Variants in ETV6 observed in about 807,000 individuals in gnomAD.
ETV6 encodes the protein ETS variant transcription factor 6.
In ETV6, 16 loss-of-function variants were observed where a neutral mutation model predicts 51.1. That is an observed-to-expected ratio of 0.31 (90% CI 0.21 to 0.48). ETV6 has a LOEUF of 0.48. ETV6 is among the 20% of genes least tolerant of loss of function. The pLI, the probability that ETV6 is intolerant of heterozygous loss-of-function variation, is 0.99. For synonymous variants in ETV6, 240 were observed against 224.1 expected, an observed-to-expected ratio of 1.07 and a Z score of -0.64; for missense variants, 458 against 594.8, an observed-to-expected ratio of 0.77 and a Z score of 2.39.
At chr12:11,890,361 G>C (rs58854676) in intron 7 of ETV6, among the ~76,000 whole-genome samples, 2 of 151,448 alleles carry the variant, frequency 1.3e-5, no homozygotes, top group Admixed American at 1.3e-4. Flanking sequence ...AGGCTTTCTC[G>C]TGTGGTCATG....
intron 2 of ETV6, among the ~76,000 whole-genome samples, chr12:11,806,244 A>G (rs1330253294): frequency 3.9e-5 from 6 of 152,192 alleles, no homozygotes; most frequent in African/African-American, 1.2e-4. Context: ...GTAGCCCCCT[A>G]GGAGAAGAAC....
intron 2 of ETV6, among the ~76,000 whole-genome samples, chr12:11,777,021 A>G (rs1327829112): frequency 1.3e-5 from 2 of 152,098 alleles, no homozygotes; most frequent in Non-Finnish European, 2.9e-5. Context: ...GGTGGATCAC[A>G]AGGTCAGGAG....
intron 1 of ETV6, among the ~76,000 whole-genome samples, chr12:11,673,395 A>G (rs2120707595): frequency 6.6e-6 from 1 of 152,348 alleles, no homozygotes; most frequent in East Asian, 1.9e-4. Context: ...AATAAAATAA[A>G]GGATATCTTA....
At chr12:11,860,207 C>G (rs1946695579) in intron 4 of ETV6, among the ~76,000 whole-genome samples, 2 of 152,210 alleles carry the variant, frequency 1.3e-5, no homozygotes, top group Admixed American at 1.3e-4. Context: ...GCTCAAGTCA[C>G]ATCCTGTCAC....
intron 7 of ETV6, among the ~76,000 whole-genome samples, chr12:11,889,797 T>C (rs1327276412): frequency 6.6e-6 from 1 of 152,184 alleles, no homozygotes; most frequent in Non-Finnish European, 1.5e-5. Flanking sequence ...TGATGAGTGG[T>C]CATTTTAGGC....
At chr12:11,731,160 C>T (rs538793009) in intron 1 of ETV6, among the ~76,000 whole-genome samples, 1 of 152,274 alleles carries the variant, frequency 6.6e-6, no homozygotes, top group South Asian at 2.1e-4. Context: ...TAAGAAGAGT[C>T]ATGACTAAGT....
intron 1 of ETV6, among the ~76,000 whole-genome samples, chr12:11,725,010 CTG>C (rs1865461700): frequency 6.6e-6 from 1 of 152,104 alleles, no homozygotes; most frequent in African/African-American, 2.4e-5. Flanking sequence ...AGTTTTATGA[CTG>C]TTTCTTTTAT....
At chr12:11,712,138 C>G (rs547832408) in intron 1 of ETV6, among the ~76,000 whole-genome samples, 2 of 152,286 alleles carry the variant, frequency 1.3e-5, no homozygotes, top group Admixed American at 1.3e-4. Context: ...CTTCACCCCC[C>G]CATCTTACTT....
At chr12:11,807,953 T>C (rs1259495844) in intron 2 of ETV6, among the ~76,000 whole-genome samples, 1 of 152,192 alleles carries the variant, frequency 6.6e-6, no homozygotes, top group Non-Finnish European at 1.5e-5. Flanking sequence ...AGTAGGAGCA[T>C]ACGTTTTTGT....
At position 11,892,803 on chromosome 12, in the gene ETV6, T is replaced by A. The variant is rs1344826093; in HGVS notation, c.*1757T>A. 4.3e-6 allele frequency: 1 copy of A among 232,796 alleles called. No individual in the cohort carries two copies. Among genetic ancestry groups the A allele is most frequent in the Non-Finnish European group, 8.5e-6 (1 of 117,878 alleles). 14.4% of individuals were successfully genotyped at this position (232,796 alleles called of 1,614,324 possible). ...GTTTGGGTCACACAGGCAAGAGGAA[T>A]TTTCCCTCGGCCTTACTGACAAGGA... On this transcript the variant is annotated 3_prime_UTR_variant, in exon 8 of 8. Transcript: ENST00000396373.
rs549820897 is a variant in ETV6, at chr12:11,853,524, A to C, written c.426A>C (p.Thr142=). Residue 142 remains threonine (T), a synonymous_variant, in exon 4 of 8, where the codon ACA becomes ACC. Transcript: ENST00000396373. The stretch of plus-strand genomic sequence containing the variant: ...TCCACCCTGGAAACTCTATACACAC[A>C]CAGCCGGAGGTCATACTGCATCAGA... ...PFFHPGNSIH[T]QPEVILHQNH... 7.1e-5 allele frequency: 115 copies of C among 1,614,190 alleles called. No individual in the cohort carries two copies. The South Asian group carries it at 1.0e-3, about 15-fold the overall frequency.
chr12:11,824,249 T>A (rs1379454405), intron 2 of ETV6, among the ~76,000 whole-genome samples: 3 of 152,196 alleles, frequency 2.0e-5, no homozygotes, highest in Non-Finnish European at 4.4e-5. Flanking sequence ...TTAATGGGAC[T>A]TTTGGTAGCC....
At chr12:11,800,140 G>C (rs1228226954) in intron 2 of ETV6, among the ~76,000 whole-genome samples, 1 of 152,118 alleles carries the variant, frequency 6.6e-6, no homozygotes, top group South Asian at 2.1e-4. Context: ...ATAGGAAAGG[G>C]GAGTGGACAT....
chr12:11,870,121 G>A, intron 5 of ETV6, 152 bp downstream of exon 5: 3 of 867,734 alleles, frequency 3.5e-6, no homozygotes, highest in African/African-American at 1.7e-5. Context: ...GCTTGGATGA[G>A]GCTAAATCCC....
At chr12:11,710,196 A>T (rs548478791) in intron 1 of ETV6, among the ~76,000 whole-genome samples, 5 of 151,924 alleles carry the variant, frequency 3.3e-5, no homozygotes, top group Non-Finnish European at 5.9e-5. Flanking sequence ...CCCTTTTAGT[A>T]TTCTGTCCCC....
At chr12:11,740,524 G>A (rs1251127542) in intron 1 of ETV6, among the ~76,000 whole-genome samples, 6 of 152,184 alleles carry the variant, frequency 3.9e-5, no homozygotes, top group Non-Finnish European at 2.9e-5. Context: ...GAACAACCCA[G>A]TGAATTTCAG....
intron 1 of ETV6, among the ~76,000 whole-genome samples, chr12:11,656,036 CTCTTCCTCCTCCTCTTCT>C (rs1258441712): frequency 3.3e-5 from 5 of 152,330 alleles, no homozygotes; most frequent in African/African-American, 1.2e-4. Flanking sequence ...TTCCTTCTTC[CTCTTCCTCCTCCTCTTCT>C]TCTTCCTCCT....
chr12:11,818,514 C>T (rs1016066904), intron 2 of ETV6, among the ~76,000 whole-genome samples: 13 of 132,142 alleles, frequency 9.8e-5, no homozygotes, highest in African/African-American at 3.2e-4. Context: ...GGCGACAGAG[C>T]GAGAGAGACT....
intron 1 of ETV6, among the ~76,000 whole-genome samples, chr12:11,712,170 A>G (rs1400028761): frequency 2.6e-5 from 4 of 152,204 alleles, no homozygotes; most frequent in African/African-American, 9.7e-5. Context: ...CAGAGATCAA[A>G]AAGACAGTCA....
Sources: allele counts gnomAD v4.1 joint callset (sites outside exome capture counted in the v4.1 genomes callset), GRCh38; gene constraint gnomAD v4.1.1; transcripts MANE v1.5; gene names NCBI Gene and HGNC (gene_info 2026-07-23, HGNC 2026-07-21).